SASH1: variants seen among roughly 807,000 people sequenced by gnomAD.
SASH1 encodes SAM and SH3 domain-containing protein 1.
SASH1 carries 44 observed loss-of-function variants against 125.2 expected under a neutral mutation model. That is an observed-to-expected ratio of 0.35 (90% confidence interval 0.28 to 0.45). SASH1 has a LOEUF of 0.45. SASH1 is among the 20% of genes least tolerant of loss of function. The probability of loss-of-function intolerance (pLI) is 1.00; values close to 1 mark genes in which losing one functional copy is unlikely to be tolerated. For synonymous variants in SASH1, 639 were observed against 649.1 expected, an observed-to-expected ratio of 0.98 and a Z score of 0.24; for missense variants, 1,426 against 1,614.5, an observed-to-expected ratio of 0.88 and a Z score of 2.00.
intron 17 of SASH1, 43 bp downstream of exon 17, chr6:148,540,599 C>T (rs1782162103): frequency 7.0e-7 from 1 of 1,430,676 alleles, no homozygotes; most frequent in South Asian, 1.2e-5. Flanking sequence ...TTGACAAGTA[C>T]TGATTTCAAA....
At chr6:148,489,824 T>G (rs1779022837) in intron 8 of SASH1, among the ~76,000 whole-genome samples, 1 of 150,814 alleles carries the variant, frequency 6.6e-6, no homozygotes, top group Admixed American at 6.6e-5. Flanking sequence ...ATCCTGTCAC[T>G]TTGCTGAATT....
At chr6:148,332,951 C>A (rs903439978) in intron 1 of SASH1, among the ~76,000 whole-genome samples, 1 of 152,140 alleles carries the variant, frequency 6.6e-6, no homozygotes. Flanking sequence ...TGTGGCACTG[C>A]ACTCCAGGCT....
At chr6:148,510,064 G>GTT (rs1780030289) in intron 8 of SASH1, among the ~76,000 whole-genome samples, 1 of 152,200 alleles carries the variant, frequency 6.6e-6, no homozygotes, top group African/African-American at 2.4e-5. Context: ...TGGTCAATTT[G>GTT]TTATGGTTTA....
In SASH1 at chr6:148,471,637, G is replaced by C. The variant is rs180756259; in HGVS notation, c.514+134G>C. 12 of 619,962 alleles carry C rather than the reference G, an allele frequency of 1.9e-5. No homozygotes were observed. The East Asian group carries it at 3.8e-4, about 20-fold the overall frequency. The allele number at this position is 619,962 out of a possible 1,614,324, so 38.4% of individuals were successfully genotyped here. On this transcript the variant is annotated intron_variant, in intron 6 of 19. Transcript: ENST00000367467. ...TGCCCATAAGATGTTCAACTTTTCT[G>C]ACATTTCTGTTATTACTTTAAGACT...
intron 1 of SASH1, among the ~76,000 whole-genome samples, chr6:148,386,535 AG>A (rs1270683633): frequency 2.0e-5 from 3 of 152,208 alleles, no homozygotes; most frequent in African/African-American, 4.8e-5. Context: ...AGAAAGCCAC[AG>A]GGTAGTGTGT....
intron 1 of SASH1, among the ~76,000 whole-genome samples, chr6:148,335,675 G>A (rs1367780699): frequency 6.6e-6 from 1 of 152,148 alleles, no homozygotes; most frequent in Non-Finnish European, 1.5e-5. Flanking sequence ...AAGTTTCACT[G>A]AAATACATCT....
intron 2 of SASH1, among the ~76,000 whole-genome samples, chr6:148,437,480 C>T (rs1005584631): frequency 2.6e-5 from 4 of 152,184 alleles, no homozygotes; most frequent in South Asian, 2.1e-4. Flanking sequence ...ATAAAACAAA[C>T]GTCCTGCATG....
the SASH1 span, among the ~76,000 whole-genome samples, chr6:148,248,705 C>A: frequency 3.4e-4 from 52 of 152,298 alleles, no homozygotes; most frequent in South Asian, 3.1e-3. Flanking sequence ...GTCACTTCCC[C>A]CCACAAGCCT....
chr6:148,536,097 A>ATAGTT (rs2115421437), intron 16 of SASH1, among the ~76,000 whole-genome samples: 1 of 152,302 alleles, frequency 6.6e-6, no homozygotes, highest in South Asian at 2.1e-4. Flanking sequence ...ATTGTGATTC[A>ATAGTT]TAGTTAATAT....
chr6:148,347,501 C>A (rs1781560484), intron 1 of SASH1, among the ~76,000 whole-genome samples: 1 of 152,128 alleles, frequency 6.6e-6, no homozygotes, highest in Non-Finnish European at 1.5e-5. Flanking sequence ...ACAAGAAAAC[C>A]CCTAAAACAA....
intron 2 of SASH1, among the ~76,000 whole-genome samples, chr6:148,434,504 G>A (rs1278927520): frequency 6.6e-6 from 1 of 152,054 alleles, no homozygotes; most frequent in Non-Finnish European, 1.5e-5. Flanking sequence ...ATTCATATAT[G>A]AACAAACATG....
chr6:148,365,159 T>G (rs1037539840), intron 1 of SASH1, among the ~76,000 whole-genome samples: 20 of 152,110 alleles, frequency 1.3e-4, no homozygotes, highest in African/African-American at 4.6e-4. Context: ...AAGAAAATTT[T>G]CCCTTCAAGT....
At chr6:148,443,111 T>C (rs1330714317) in intron 4 of SASH1, among the ~76,000 whole-genome samples, 1 of 146,936 alleles carries the variant, frequency 6.8e-6, no homozygotes, top group African/African-American at 2.6e-5. Flanking sequence ...AATGTCTCTT[T>C]TAGCAGTGTT....
intron 1 of SASH1, among the ~76,000 whole-genome samples, chr6:148,302,932 G>T (rs1223006523): frequency 6.6e-6 from 1 of 151,732 alleles, no homozygotes; most frequent in Non-Finnish European, 1.5e-5. Flanking sequence ...AGATGAGAAT[G>T]TGTTTGATTC....
At position 148,521,063 on chromosome 6, in the gene SASH1, G is replaced by A. The variant is rs1438335255; in HGVS notation, c.1209+1170G>A. Reference sequence around the variant, plus strand: ...TAAAGTACTCACTTTCAAAGAGTAGGATGTTTTTCACTTTTAACGCTGGAT... The same window carrying A: ...TAAAGTACTCACTTTCAAAGAGTAGAATGTTTTTCACTTTTAACGCTGGAT... On this transcript the variant is annotated intron_variant, in intron 10 of 19. Transcript: ENST00000367467. 2.0e-5 allele frequency among the ~76,000 whole-genome samples: 3 copies of A among 152,182 alleles called. No individual in the cohort carries two copies. The East Asian group carries it at 5.8e-4, about 29-fold the overall frequency.
chr6:148,487,090 T>TACACAC (rs1448530373), intron 7 of SASH1, among the ~76,000 whole-genome samples: 53 of 100,708 alleles, frequency 5.3e-4, no homozygotes, highest in African/African-American at 1.9e-3. Context: ...AACACATATA[T>TACACAC]ATACACACAC....
intron 16 of SASH1, among the ~76,000 whole-genome samples, chr6:148,536,919 G>GTGTT (rs1781880018): frequency 6.6e-6 from 1 of 152,174 alleles, no homozygotes; most frequent in African/African-American, 2.4e-5. Context: ...TTCTGCTCTG[G>GTGTT]TGTTTAGAAC....
At chr6:148,471,345 T>A (rs1410946852) in intron 5 of SASH1, 72 bp from the exon 6 acceptor site, 2 of 960,500 alleles carry the variant, frequency 2.1e-6, no homozygotes, top group Non-Finnish European at 3.1e-6. Flanking sequence ...AAGAGGCTAC[T>A]TTTGTTATTA....
chr6:148,452,030 C>T (rs1015543347), intron 4 of SASH1, among the ~76,000 whole-genome samples: 26 of 152,140 alleles, frequency 1.7e-4, no homozygotes, highest in African/African-American at 3.1e-4. Context: ...TTCTGCCCCA[C>T]GGAGGTGGAT....
Sources: allele counts gnomAD v4.1 joint callset (sites outside exome capture counted in the v4.1 genomes callset), GRCh38; gene constraint gnomAD v4.1.1; transcripts MANE v1.5; gene names NCBI Gene and HGNC (gene_info 2026-07-23, HGNC 2026-07-21).